The following DNAH6 variants were observed in gnomAD, a reference collection of about 807,000 sequenced individuals.
DNAH6 encodes dynein axonemal heavy chain 6, also known as axonemal beta dynein heavy chain 6.
In DNAH6, 340 loss-of-function variants were observed where a neutral mutation model predicts 491.4. That is an observed-to-expected ratio of 0.69 (90% CI 0.63 to 0.76). The LOEUF is 0.76. DNAH6 is among the 30% of genes least tolerant of loss of function. The pLI, the probability that DNAH6 is intolerant of heterozygous loss-of-function variation, is 0.00. For missense variants in DNAH6, 4,443 were observed against 4,972.2 expected (o/e 0.89, Z 3.20); for synonymous variants, 1,603 against 1,686.1 (o/e 0.95, Z 1.21).
chr2:84,650,493 T>C (rs1401611428), intron 33 of DNAH6, among the ~76,000 whole-genome samples: 1 of 149,354 alleles, frequency 6.7e-6, no homozygotes, highest in Non-Finnish European at 1.5e-5. Flanking sequence ...TCTAATAGGC[T>C]CTCTGTATTT....
In DNAH6 at chr2:84,667,744, A is replaced by C. The variant is rs140012185; in HGVS notation, c.6085-1545A>C. On this transcript the variant is annotated intron_variant, in intron 37 of 76. Coordinates refer to ENST00000389394, the MANE Select transcript of DNAH6 (RefSeq NM_001370.2). ...ACCCAGCCATCCCATTACTGGGTAT[A>C]TACCCAAAGATTATAAACTCTACTG... Among the ~76,000 whole-genome samples the C allele has an allele frequency of 3.2e-3, 483 of 152,328 alleles. 2 individuals are homozygous for C. The highest frequency in any genetic ancestry group is 0.011 in the African/African-American group (461 of 41,570).
the DNAH6 span, among the ~76,000 whole-genome samples, chr2:84,464,942 G>A: frequency 6.6e-6 from 1 of 152,086 alleles, no homozygotes; most frequent in African/African-American, 2.4e-5. Context: ...GAATTGCTCT[G>A]GTTCACACGC....
intron 64 of DNAH6, among the ~76,000 whole-genome samples, chr2:84,771,403 G>T (rs748269809): frequency 1.3e-5 from 2 of 151,874 alleles, no homozygotes; most frequent in East Asian, 1.9e-4. Flanking sequence ...GGGAAAGAAA[G>T]AATATTTGAA....
Position 84,806,522 on chromosome 2 carries a change from G to C in DNAH6, c.11611+728G>C, listed in dbSNP as rs1234348734. Among the ~76,000 whole-genome samples the C allele has an allele frequency of 2.6e-5, 4 of 151,582 alleles. No homozygotes were observed. The East Asian group carries it at 7.7e-4, about 29-fold the overall frequency. On this transcript the variant is annotated intron_variant, in intron 71 of 76. Coordinates refer to ENST00000389394, the MANE Select transcript of DNAH6 (RefSeq NM_001370.2). ...TAGTCCCAGCTACTCTGGAGGCTGA[G>C]GCAGGAGAATGGTGTGAACCCGGGA...
Position 84,808,955 on chromosome 2 carries a change from A to T in DNAH6, c.11739+413A>T, listed in dbSNP as rs79817561. Among the ~76,000 whole-genome samples the T allele has an allele frequency of 4.7e-3, 720 of 152,366 alleles. 2 individuals carry two copies. Among genetic ancestry groups the T allele is most frequent in the East Asian group, 9.1e-3 (47 of 5,184 alleles). On this transcript the variant is annotated intron_variant, in intron 72 of 76. Coordinates refer to ENST00000389394, the MANE Select transcript of DNAH6 (RefSeq NM_001370.2). ...GTGGGCCACAGAATGCCTGCATTAG[A>T]GTCCCCTGTGGTGTGTTCAACATGT...
rs531498509 is a variant in DNAH6, at chr2:84,570,064, C to G, written c.1804-3403C>G. Among the ~76,000 whole-genome samples the G allele has an allele frequency of 1.1e-3, 165 of 152,044 alleles. 5 individuals are homozygous for G. The South Asian group carries it at 0.031, about 29-fold the overall frequency. ...ACATGTTAGTTTCTATGTATCATTC[C>G]CAATTGAAAGGAACTCTCTTTGTTC... is the stretch of plus-strand genomic sequence containing the variant. On this transcript the variant is annotated intron_variant, in intron 11 of 76. Transcript: ENST00000389394.
intron 62 of DNAH6, among the ~76,000 whole-genome samples, chr2:84,740,549 T>G (rs1573661530): frequency 6.6e-6 from 1 of 152,254 alleles, no homozygotes. Context: ...ACTGCACCCA[T>G]GTTTTCTTTT....
intron 10 of DNAH6, among the ~76,000 whole-genome samples, chr2:84,554,627 C>T (rs1304839762): frequency 6.6e-6 from 1 of 152,220 alleles, no homozygotes; most frequent in Non-Finnish European, 1.5e-5. Context: ...TGAGTTCTAG[C>T]ATTGATTCCT....
intron 61 of DNAH6, among the ~76,000 whole-genome samples, chr2:84,730,286 A>C (rs1699016653): frequency 6.6e-6 from 1 of 152,198 alleles, no homozygotes; most frequent in Non-Finnish European, 1.5e-5. Context: ...GAGTTTAGGG[A>C]CAAACAGAAA....
chr2:84,586,118 A>G (rs1683518246), intron 15 of DNAH6, among the ~76,000 whole-genome samples: 1 of 152,180 alleles, frequency 6.6e-6, no homozygotes, highest in African/African-American at 2.4e-5. Flanking sequence ...GAGCAGGGAG[A>G]GACCAGGCTG....
Position 84,619,642 on chromosome 2 carries a change from A to C in DNAH6, c.3573-43A>C, listed in dbSNP as rs181382565. ...ATCTTTTATGTCTGTCTAAGACTTT[A>C]CTTCCATTTCAAGTTATATTTTAAG... On this transcript the variant is annotated intron_variant, in intron 23 of 76. Coordinates refer to ENST00000389394, the MANE Select transcript of DNAH6 (RefSeq NM_001370.2). 3.3e-6 allele frequency: 5 copies of C among 1,497,730 alleles called. No homozygotes were observed. In the East Asian group the frequency reaches 1.2e-4, roughly 37 times the overall value. 92.8% of individuals were successfully genotyped at this position (1,497,730 alleles called of 1,614,324 possible). A position where few individuals can be genotyped will look rare whatever the true frequency, so the allele number is the denominator to read the frequency against.
chr2:84,525,803 A>G, intron 3 of DNAH6, 65 bp downstream of exon 3: 1 of 1,202,140 alleles, frequency 8.3e-7, no homozygotes, highest in Non-Finnish European at 1.2e-6. Flanking sequence ...CATTGCTAGC[A>G]TACTTTTAAC....
In DNAH6 at chr2:84,745,268, T is replaced by C; in HGVS notation, c.10512+19T>C. The C allele has an allele frequency of 1.4e-6, 2 of 1,439,700 alleles. No individual in the cohort carries two copies. The highest frequency in any genetic ancestry group is 1.8e-6 in the Non-Finnish European group (2 of 1,083,310). 89.2% of individuals were successfully genotyped at this position (1,439,700 alleles called of 1,614,324 possible). A position where few individuals can be genotyped will look rare whatever the true frequency, so the allele number is the denominator to read the frequency against. ...AGAAAAGGTAGGGCATTTTTTTAAT[T>C]AAAGGACTGTGTTACAATTATTTCT... is the stretch of plus-strand genomic sequence containing the variant. On this transcript the variant is annotated intron_variant, in intron 63 of 76. Coordinates refer to ENST00000389394, the MANE Select transcript of DNAH6 (RefSeq NM_001370.2).
chr2:84,621,076 T>C, intron 24 of DNAH6, 115 bp from the exon 25 acceptor site: 2 of 1,012,696 alleles, frequency 2.0e-6, no homozygotes, highest in Non-Finnish European at 2.8e-6. Flanking sequence ...GTTTCAGTAT[T>C]TGTGGTCAGG....
intron 44 of DNAH6, 133 bp from the exon 45 acceptor site, chr2:84,688,306 C>A (rs1573489803): frequency 4.8e-6 from 3 of 624,284 alleles, no homozygotes; most frequent in Non-Finnish European, 7.5e-6. Flanking sequence ...TATTTCTGAG[C>A]TCCTATGTAA....
chr2:84,702,732 TG>T (rs1696049201), intron 49 of DNAH6, among the ~76,000 whole-genome samples: 1 of 151,874 alleles, frequency 6.6e-6, no homozygotes, highest in Non-Finnish European at 1.5e-5. Flanking sequence ...TTAGTAGAGA[TG>T]GGGTTTTGCT....
chr2:84,575,168 A>G (rs1295384608), intron 12 of DNAH6, among the ~76,000 whole-genome samples: 2 of 152,168 alleles, frequency 1.3e-5, no homozygotes, highest in Non-Finnish European at 2.9e-5. Context: ...GCCCTTGGAT[A>G]TCAACCTTAC....
chr2:84,467,970 C>G, the DNAH6 span, among the ~76,000 whole-genome samples: 1 of 151,914 alleles, frequency 6.6e-6, no homozygotes, highest in Non-Finnish European at 1.5e-5. Flanking sequence ...TTTCTTTTAT[C>G]AATAATTTTT....
intron 26 of DNAH6, among the ~76,000 whole-genome samples, chr2:84,622,545 C>T (rs1296788065): frequency 6.6e-6 from 1 of 152,068 alleles, no homozygotes; most frequent in East Asian, 1.9e-4. Context: ...GATAATCATG[C>T]CCAACTCACA....
Sources: gnomAD v4.1 joint callset for allele counts (sites outside exome capture counted in the v4.1 genomes callset) on GRCh38, gnomAD v4.1.1 for gene constraint, MANE v1.5 for transcripts, NCBI Gene and HGNC (gene_info 2026-07-23, HGNC 2026-07-21) for gene names.